The following MTA3 variants were observed in gnomAD, a reference collection of about 807,000 sequenced individuals.
The protein encoded by MTA3 is metastasis associated 1 family member 3.
In MTA3, 34 loss-of-function variants were observed where a neutral mutation model predicts 83.5. The observed-to-expected ratio is 0.41, with a 90% confidence interval of 0.31 to 0.54. The LOEUF (loss-of-function observed/expected upper bound fraction) is 0.54. Among genes scored for constraint, MTA3 ranks in the 20% least tolerant of loss-of-function variants. The probability of loss-of-function intolerance (pLI) is 0.33; values close to 1 mark genes in which losing one functional copy is unlikely to be tolerated. For missense variants in MTA3, 761 were observed against 726.4 expected, an observed-to-expected ratio of 1.05 and a Z score of -0.55; for synonymous variants, 303 against 252.7, an observed-to-expected ratio of 1.20 and a Z score of -1.89.
At chr2:42,627,587 G>C (rs896379863) in intron 4 of MTA3, among the ~76,000 whole-genome samples, 2 of 150,714 alleles carry the variant, frequency 1.3e-5, no homozygotes, top group African/African-American at 4.9e-5. Flanking sequence ...AATTTGAAAC[G>C]GAGTCTCGCT....
chr2:42,549,354 CAT>C (rs1403696691), intron 2 of MTA3, among the ~76,000 whole-genome samples: 1 of 109,462 alleles, frequency 9.1e-6, no homozygotes, highest in Non-Finnish European at 1.8e-5. Context: ...TTATATATTA[CAT>C]ATATACGTAT....
chr2:42,729,086 G>T (rs374372969), intron 16 of MTA3, among the ~76,000 whole-genome samples: 15 of 60,118 alleles, frequency 2.5e-4, no homozygotes, highest in South Asian at 7.7e-4. Context: ...CACAGTTTGA[G>T]TTTTTTTTTT....
At chr2:42,647,842 C>T (rs1309228770) in intron 6 of MTA3, among the ~76,000 whole-genome samples, 1 of 152,034 alleles carries the variant, frequency 6.6e-6, no homozygotes, top group Non-Finnish European at 1.5e-5. Context: ...GTTTAAAGAA[C>T]TCTTCTTTTT....
chr2:42,638,171 A>G (rs1185586576), intron 4 of MTA3, among the ~76,000 whole-genome samples: 1 of 152,142 alleles, frequency 6.6e-6, no homozygotes, highest in African/African-American at 2.4e-5. Flanking sequence ...GTGATTGAGT[A>G]TCAAATGTTA....
chr2:42,584,383 C>A (rs1680021876), intron 3 of MTA3, among the ~76,000 whole-genome samples: 1 of 152,184 alleles, frequency 6.6e-6, no homozygotes, highest in Non-Finnish European at 1.5e-5. Context: ...TAACATCTTT[C>A]AAACTTAAAG....
chr2:42,651,963 G>T lies in MTA3; in HGVS notation c.500-4237G>T, dbSNP rs143673027. Among the ~76,000 whole-genome samples, 3 of 152,242 alleles carry T rather than the reference G, an allele frequency of 2.0e-5. No individual in the cohort carries two copies. In the East Asian group the frequency reaches 5.8e-4, roughly 29 times the overall value. On this transcript the variant is annotated intron_variant, in intron 6 of 16. Transcript: ENST00000405094. ...ACAAAAAAATTAGCTGGTCATGGTG[G>T]TGGGCACCTGTAATCCCAGCTACTT...
At position 42,755,043 on chromosome 2, in the gene MTA3, C is replaced by T. The variant is rs1670148238; in HGVS notation, c.*1644C>T. The T allele has an allele frequency of 1.0e-6, 1 of 985,476 alleles. No individual in the cohort carries two copies. Among genetic ancestry groups the T allele is most frequent in the African/African-American group, 1.7e-5 (1 of 57,184 alleles). The allele number at this position is 985,476 out of a possible 1,614,324, so 61.0% of individuals were successfully genotyped here. A position where few individuals can be genotyped will look rare whatever the true frequency, so the allele number is the denominator to read the frequency against. ...CTGAGGGTGGGGCCTGTGTCAGAAG[C>T]ATTTGGTGAGAGGGGTGGAGGTGGC... On this transcript the variant is annotated 3_prime_UTR_variant, in exon 17 of 17. Coordinates refer to ENST00000405094, the MANE Select transcript of MTA3 (RefSeq NM_001330442.2).
intron 16 of MTA3, among the ~76,000 whole-genome samples, chr2:42,734,027 A>T (rs1668427831): frequency 6.6e-6 from 1 of 152,166 alleles, no homozygotes; most frequent in South Asian, 2.1e-4. Context: ...TGTTCTGTAA[A>T]TATTTATTGG....
chr2:42,663,833 A>G (rs560608998), intron 8 of MTA3, among the ~76,000 whole-genome samples: 1 of 152,228 alleles, frequency 6.6e-6, no homozygotes, highest in South Asian at 2.1e-4. Flanking sequence ...CACACCCTTC[A>G]GTGTTTTTTA....
chr2:42,640,056 T>G (rs946424247), intron 4 of MTA3, 117 bp from the exon 5 acceptor site: 3 of 690,748 alleles, frequency 4.3e-6, no homozygotes, highest in African/African-American at 1.8e-5. Context: ...AAAATATATA[T>G]TCCTAACTGC....
chr2:42,529,636 C>G (rs1675867520), intron 2 of MTA3, among the ~76,000 whole-genome samples: 1 of 152,188 alleles, frequency 6.6e-6, no homozygotes, highest in African/African-American at 2.4e-5. Flanking sequence ...AAGGCCCTAA[C>G]TCTTGGCATT....
chr2:42,618,549 CCTT>C (rs1411617731), intron 4 of MTA3, among the ~76,000 whole-genome samples: 2 of 152,156 alleles, frequency 1.3e-5, no homozygotes, highest in East Asian at 3.9e-4. Flanking sequence ...CTACTTCTCT[CCTT>C]ATCTGTAATT....
chr2:42,512,753 C>T (rs1160982113), intron 2 of MTA3, among the ~76,000 whole-genome samples: 1 of 152,160 alleles, frequency 6.6e-6, no homozygotes, highest in Admixed American at 6.6e-5. Flanking sequence ...AACCACTGTA[C>T]CAGTGGTCTA....
intron 3 of MTA3, among the ~76,000 whole-genome samples, chr2:42,594,728 A>ATATATATT: frequency 1.9e-3 from 45 of 24,044 alleles, no homozygotes; most frequent in Admixed American, 4.4e-3. Context: ...ATATATATAT[A>ATATATATT]TTTTTTTTTT....
chr2:42,753,761 C>T lies in MTA3; in HGVS notation c.*362C>T, dbSNP rs929005331. ...AGTGGGGCTGCTGCAAGCTCAGAGC[C>T]GCTGCCACCCTGCATGTGTCCGCTC... On this transcript the variant is annotated 3_prime_UTR_variant, in exon 17 of 17. Coordinates refer to ENST00000405094, the MANE Select transcript of MTA3 (RefSeq NM_001330442.2). 15 of 1,136,866 alleles carry T rather than the reference C, an allele frequency of 1.3e-5. No homozygotes were observed. The highest frequency in any genetic ancestry group is 6.4e-5 in the African/African-American group (4 of 62,054). 70.4% of individuals were successfully genotyped at this position (1,136,866 alleles called of 1,614,324 possible).
intron 2 of MTA3, among the ~76,000 whole-genome samples, chr2:42,542,436 A>G (rs1456814049): frequency 2.0e-5 from 3 of 152,242 alleles, no homozygotes; most frequent in Non-Finnish European, 4.4e-5. Context: ...GACAGAACCA[A>G]TGGAATATAT....
intron 13 of MTA3, 58 bp downstream of exon 13, chr2:42,708,112 C>T (rs1199760720): frequency 2.6e-6 from 4 of 1,525,614 alleles, no homozygotes; most frequent in Non-Finnish European, 3.5e-6. Flanking sequence ...TTGATTATTC[C>T]TTGGAAACAG....
At chr2:42,707,417 T>G (rs928602707) in intron 12 of MTA3, among the ~76,000 whole-genome samples, 19 of 151,940 alleles carry the variant, frequency 1.3e-4, no homozygotes, top group African/African-American at 2.9e-4. Flanking sequence ...CTAATTTTTT[T>G]TGTGTGTTTT....
chr2:42,707,387 G>C (rs952287685), intron 12 of MTA3, among the ~76,000 whole-genome samples: 3 of 152,044 alleles, frequency 2.0e-5, no homozygotes, highest in Non-Finnish European at 4.4e-5. Flanking sequence ...AGGACTACAG[G>C]TGCGTGCCAC....
Sources: gnomAD v4.1 joint callset for allele counts (sites outside exome capture counted in the v4.1 genomes callset) on GRCh38, gnomAD v4.1.1 for gene constraint, MANE v1.5 for transcripts, NCBI Gene and HGNC (gene_info 2026-07-23, HGNC 2026-07-21) for gene names.